The following LARGE1 variants were observed in gnomAD, a reference collection of about 807,000 sequenced individuals.
LARGE1 encodes the protein LARGE xylosyl- and glucuronyltransferase 1, also known as xylosyl- and glucuronyltransferase LARGE1.
Under a neutral mutation model 87.6 loss-of-function variants are expected in LARGE1, and 43 were observed. That is an observed-to-expected ratio of 0.49 (90% confidence interval 0.38 to 0.63). The LOEUF is 0.63. Among genes scored for constraint, LARGE1 ranks in the 30% least tolerant of loss-of-function variants. The pLI, the probability that LARGE1 is intolerant of heterozygous loss-of-function variation, is 0.00. For missense variants in LARGE1, 802 were observed against 1,000.2 expected (o/e 0.80, Z 2.67); for synonymous variants, 434 against 394.6 (o/e 1.10, Z -1.18).
intron 7 of LARGE1, among the ~76,000 whole-genome samples, chr22:33,395,072 CAAA>C (rs1189907061): frequency 6.6e-6 from 1 of 151,630 alleles, no homozygotes; most frequent in Non-Finnish European, 1.5e-5. Context: ...ACTAAAAATA[CAAA>C]AAAATTAGCC....
At chr22:33,208,274 G>T (rs2146225686) in intron 11 of LARGE1, among the ~76,000 whole-genome samples, 1 of 152,318 alleles carries the variant, frequency 6.6e-6, no homozygotes. Flanking sequence ...CATAGAACAG[G>T]CTGGAAGATC....
Position 33,811,692 on chromosome 22 carries a change from C to T in LARGE1, c.-82-50134G>A, listed in dbSNP as rs566505027. Among the ~76,000 whole-genome samples the T allele has an allele frequency of 2.6e-5, 4 of 152,264 alleles. No homozygotes were observed. The South Asian group carries it at 6.2e-4, about 24-fold the overall frequency. On this transcript the variant is annotated intron_variant, in intron 1 of 14. Coordinates refer to ENST00000397394, the MANE Select transcript of LARGE1 (RefSeq NM_133642.5). ...AACTGGGAACAGCTTTATTACGTCA[C>T]GGTAAATTGTTCAAACTTTTTCTAG...
At chr22:33,858,905 G>A (rs1232862884) in intron 1 of LARGE1, among the ~76,000 whole-genome samples, 2 of 152,068 alleles carry the variant, frequency 1.3e-5, no homozygotes, top group Non-Finnish European at 2.9e-5. Flanking sequence ...CATGGGTTAA[G>A]CTGGAAACCA....
At chr22:33,665,982 A>T (rs888485144) in intron 2 of LARGE1, among the ~76,000 whole-genome samples, 11 of 121,196 alleles carry the variant, frequency 9.1e-5, no homozygotes, top group Admixed American at 6.0e-4. Flanking sequence ...AAAAGAAGTT[A>T]AAAAAAAAAA....
intron 2 of LARGE1, among the ~76,000 whole-genome samples, chr22:33,684,816 GAATCTGAATTTT>G (rs2081897842): frequency 6.6e-6 from 1 of 152,112 alleles, no homozygotes; most frequent in Non-Finnish European, 1.5e-5. Context: ...TGTGGCCTAG[GAATCTGAATTTT>G]AACAAACCAT....
intron 2 of LARGE1, among the ~76,000 whole-genome samples, chr22:33,677,325 C>T (rs773931006): frequency 6.6e-6 from 1 of 151,170 alleles, no homozygotes; most frequent in Non-Finnish European, 1.5e-5. Context: ...AAAACTCACT[C>T]GAACTGGCCC....
chr22:33,720,933 G>A (rs2083076996), intron 2 of LARGE1, among the ~76,000 whole-genome samples: 1 of 152,250 alleles, frequency 6.6e-6, no homozygotes, highest in Non-Finnish European at 1.5e-5. Flanking sequence ...TCCTCAAGCA[G>A]GGAAAGAGAG....
chr22:33,478,839 G>A (rs1253965355), intron 6 of LARGE1, among the ~76,000 whole-genome samples: 6 of 152,154 alleles, frequency 3.9e-5, no homozygotes, highest in Admixed American at 3.9e-4. Flanking sequence ...GGCACTTAAA[G>A]ATGTGAGAGG....
intron 11 of LARGE1, among the ~76,000 whole-genome samples, chr22:33,177,019 A>T (rs1922910034): frequency 6.6e-6 from 1 of 152,224 alleles, no homozygotes; most frequent in Admixed American, 6.5e-5. Context: ...AACATGGATG[A>T]AGCTGGAAAC....
chr22:33,215,014 T>G (rs1425435155), intron 11 of LARGE1, among the ~76,000 whole-genome samples: 2 of 152,112 alleles, frequency 1.3e-5, no homozygotes, highest in South Asian at 2.1e-4. Context: ...ACTCTGGGCC[T>G]ACAATGGGAG....
intron 9 of LARGE1, among the ~76,000 whole-genome samples, chr22:33,344,351 A>G (rs1939497770): frequency 6.6e-6 from 1 of 151,856 alleles, no homozygotes; most frequent in African/African-American, 2.4e-5. Flanking sequence ...CACACAAGAG[A>G]CCATACTCTC....
intron 6 of LARGE1, among the ~76,000 whole-genome samples, chr22:33,494,816 G>T (rs965103950): frequency 3.3e-5 from 5 of 152,218 alleles, no homozygotes; most frequent in Admixed American, 2.6e-4. Flanking sequence ...CAAACTGCCT[G>T]CAGGTTCTGC....
At chr22:33,298,622 A>C (rs1569026805) in intron 12 of LARGE1, among the ~76,000 whole-genome samples, 2 of 152,176 alleles carry the variant, frequency 1.3e-5, no homozygotes, top group Non-Finnish European at 2.9e-5. Flanking sequence ...CAGGAGTTTG[A>C]GACTAGCCTG....
chr22:33,893,729 G>A (rs954953387), intron 1 of LARGE1, among the ~76,000 whole-genome samples: 4 of 152,050 alleles, frequency 2.6e-5, no homozygotes, highest in Admixed American at 1.3e-4. Context: ...CACAAATATT[G>A]GGTTCCCCAC....
chr22:33,190,142 A>C (rs1316604286), intron 11 of LARGE1, among the ~76,000 whole-genome samples: 1 of 150,934 alleles, frequency 6.6e-6, no homozygotes, highest in African/African-American at 2.5e-5. Context: ...TGTATAAACA[A>C]AACATTTTTT....
chr22:33,175,452 C>T (rs1400445866), intron 11 of LARGE1, among the ~76,000 whole-genome samples: 1 of 152,138 alleles, frequency 6.6e-6, no homozygotes, highest in Non-Finnish European at 1.5e-5. Flanking sequence ...GCAACTTCAG[C>T]AAAGTCTCAG....
chr22:33,372,454 A>G (rs1569104212), intron 9 of LARGE1, among the ~76,000 whole-genome samples: 1 of 152,234 alleles, frequency 6.6e-6, no homozygotes, highest in Non-Finnish European at 1.5e-5. Flanking sequence ...TCACAGTTCC[A>G]CGTGGTTGAG....
intron 6 of LARGE1, among the ~76,000 whole-genome samples, chr22:33,437,723 A>T (rs995900408): frequency 6.6e-6 from 1 of 152,178 alleles, no homozygotes; most frequent in South Asian, 2.1e-4. Context: ...GTATCGATTG[A>T]GGGTTTGAGT....
intron 2 of LARGE1, among the ~76,000 whole-genome samples, chr22:33,737,328 T>C (rs1051033009): frequency 3.3e-5 from 5 of 152,148 alleles, no homozygotes; most frequent in African/African-American, 1.2e-4. Flanking sequence ...GGCTTTGGCT[T>C]TGGGGATGCA....
Sources: allele counts gnomAD v4.1 joint callset (sites outside exome capture counted in the v4.1 genomes callset), GRCh38; gene constraint gnomAD v4.1.1; transcripts MANE v1.5; gene names NCBI Gene and HGNC (gene_info 2026-07-23, HGNC 2026-07-21).